ARB2A: variants seen among roughly 807,000 people sequenced by gnomAD.
ARB2A encodes cotranscriptional regulator ARB2A.
the ARB2A span, among the ~76,000 whole-genome samples, chr5:93,868,591 A>G: frequency 6.6e-6 from 1 of 152,196 alleles, no homozygotes; most frequent in African/African-American, 2.4e-5. Flanking sequence ...AAGATTCCCT[A>G]TAGTAAACAA....
chr5:93,724,322 T>C, the ARB2A span, among the ~76,000 whole-genome samples: 1 of 152,008 alleles, frequency 6.6e-6, no homozygotes. Flanking sequence ...TCAAAAGACG[T>C]CCGCCAACAG....
At chr5:93,817,673 G>A in the ARB2A span, among the ~76,000 whole-genome samples, 31 of 152,242 alleles carry the variant, frequency 2.0e-4, no homozygotes, top group East Asian at 5.8e-3. Context: ...TACATTTATA[G>A]TCTATGGATT....
the ARB2A span, among the ~76,000 whole-genome samples, chr5:94,012,713 C>A: frequency 6.6e-6 from 1 of 152,014 alleles, no homozygotes; most frequent in East Asian, 1.9e-4. Context: ...ATGCTTATTG[C>A]TTTTTTTTGT....
the ARB2A span, chr5:93,805,466 T>C: frequency 5.1e-6 from 5 of 985,024 alleles, no homozygotes; most frequent in African/African-American, 7.0e-5. Context: ...CAGATCACCA[T>C]TCCCCTGCAC....
the ARB2A span, among the ~76,000 whole-genome samples, chr5:93,780,677 A>G: frequency 6.6e-6 from 1 of 151,936 alleles, no homozygotes; most frequent in African/African-American, 2.4e-5. Context: ...CTCCTGCCTC[A>G]GCCTCTTGAG....
chr5:93,772,924 C>G, the ARB2A span, among the ~76,000 whole-genome samples: 2 of 152,232 alleles, frequency 1.3e-5, no homozygotes, highest in Admixed American at 1.3e-4. Flanking sequence ...AAGCAGCAGG[C>G]TTGACAGAAT....
At chr5:93,776,366 C>G in the ARB2A span, 1 of 632,456 alleles carries the variant, frequency 1.6e-6, no homozygotes, top group South Asian at 3.1e-5. Flanking sequence ...TTTCCATACA[C>G]TTAACATTTT....
At chr5:93,821,490 T>C in the ARB2A span, among the ~76,000 whole-genome samples, 3 of 152,296 alleles carry the variant, frequency 2.0e-5, no homozygotes, top group South Asian at 6.2e-4. Flanking sequence ...CTTGTAAAGT[T>C]AATATTAAAA....
At chr5:93,681,511 G>A in the ARB2A span, among the ~76,000 whole-genome samples, 1 of 152,020 alleles carries the variant, frequency 6.6e-6, no homozygotes, top group Non-Finnish European at 1.5e-5. Flanking sequence ...TGCCTAGAAT[G>A]CCTTCCCCTC....
the ARB2A span, among the ~76,000 whole-genome samples, chr5:93,642,405 C>T: frequency 3.3e-5 from 5 of 151,966 alleles, no homozygotes; most frequent in African/African-American, 1.2e-4. Context: ...CAGAGTCTTG[C>T]TCTGTCACTC....
chr5:93,749,967 T>C, the ARB2A span, among the ~76,000 whole-genome samples: 1 of 152,196 alleles, frequency 6.6e-6, no homozygotes, highest in Non-Finnish European at 1.5e-5. Context: ...ATGATCATTC[T>C]CTCACTAGGA....
the ARB2A span, among the ~76,000 whole-genome samples, chr5:93,981,612 C>T: frequency 7.9e-5 from 12 of 151,478 alleles, no homozygotes; most frequent in African/African-American, 2.9e-4. Context: ...ATTTCTCAAT[C>T]CCATAAGTTT....
chr5:93,951,772 T>C, the ARB2A span, among the ~76,000 whole-genome samples: 1 of 152,230 alleles, frequency 6.6e-6, no homozygotes, highest in Non-Finnish European at 1.5e-5. Context: ...ACGCCTGATG[T>C]AATTATTGCT....
chr5:94,080,913 C>T, the ARB2A span, among the ~76,000 whole-genome samples: 1 of 152,094 alleles, frequency 6.6e-6, no homozygotes, highest in African/African-American at 2.4e-5. Context: ...ATGTCCTTTT[C>T]TAACGGTTTT....
At chr5:93,684,951 T>G in the ARB2A span, among the ~76,000 whole-genome samples, 1 of 152,208 alleles carries the variant, frequency 6.6e-6, no homozygotes, top group Admixed American at 6.5e-5. Context: ...AGTGTTATAG[T>G]GAGGATCATT....
At chr5:93,678,324 T>C in the ARB2A span, among the ~76,000 whole-genome samples, 1 of 152,190 alleles carries the variant, frequency 6.6e-6, no homozygotes, top group African/African-American at 2.4e-5. Context: ...TCAGAAGAGA[T>C]ATATAAAATT....
chr5:93,923,834 T>C, the ARB2A span, among the ~76,000 whole-genome samples: 1 of 152,056 alleles, frequency 6.6e-6, no homozygotes, highest in African/African-American at 2.4e-5. Flanking sequence ...AAAGAAAGAA[T>C]ACTCTACTGG....
chr5:93,788,842 T>C, the ARB2A span, among the ~76,000 whole-genome samples: 27 of 152,216 alleles, frequency 1.8e-4, no homozygotes, highest in African/African-American at 4.8e-4. Context: ...GTTATGGGAA[T>C]TGTAAATCCA....
At chr5:93,955,511 T>C in the ARB2A span, among the ~76,000 whole-genome samples, 1 of 152,228 alleles carries the variant, frequency 6.6e-6, no homozygotes. Flanking sequence ...AATCCATCTA[T>C]GAGAAATTAG....
Sources: allele counts gnomAD v4.1 joint callset (sites outside exome capture counted in the v4.1 genomes callset), GRCh38; gene constraint gnomAD v4.1.1; transcripts MANE v1.5; gene names NCBI Gene and HGNC (gene_info 2026-07-23, HGNC 2026-07-21).